The following TNFRSF10B variants were observed in gnomAD, a reference collection of about 807,000 sequenced individuals.
TNFRSF10B encodes the protein tumor necrosis factor receptor superfamily member 10B.
A neutral mutation model predicts 41.4 loss-of-function variants in TNFRSF10B; 35 were observed. That is an observed-to-expected ratio of 0.85 (90% CI 0.65 to 1.12). The LOEUF (loss-of-function observed/expected upper bound fraction) is 1.12. TNFRSF10B is among the 50% of genes most tolerant of loss of function. The pLI is 0.00. For synonymous variants in TNFRSF10B, 230 were observed against 215.5 expected, an observed-to-expected ratio of 1.07 and a Z score of -0.59; for missense variants, 584 against 552.7, an observed-to-expected ratio of 1.06 and a Z score of -0.57.
chr8:23,057,662 C>T (rs1446115415), intron 1 of TNFRSF10B, among the ~76,000 whole-genome samples: 2 of 150,828 alleles, frequency 1.3e-5, no homozygotes, highest in Admixed American at 6.6e-5. Flanking sequence ...GAACTCCTGA[C>T]CTCAGGTGAA....
chr8:23,043,903 T>C (rs1007029932), intron 1 of TNFRSF10B, among the ~76,000 whole-genome samples: 15 of 152,250 alleles, frequency 9.9e-5, no homozygotes, highest in African/African-American at 2.9e-4. Flanking sequence ...ACCTGGCCTA[T>C]ATGGTATAGC....
chr8:23,027,980 G>C, intron 5 of TNFRSF10B: 2 of 618,466 alleles, frequency 3.2e-6, no homozygotes, highest in Admixed American at 5.9e-5. Context: ...GTTCTGCTCT[G>C]ACCAAGGCTG....
intron 1 of TNFRSF10B, among the ~76,000 whole-genome samples, chr8:23,066,386 A>G (rs1812979471): frequency 6.6e-6 from 1 of 152,204 alleles, no homozygotes; most frequent in Non-Finnish European, 1.5e-5. Flanking sequence ...TATACAGTAG[A>G]TGAGATTAAC....
chr8:23,050,372 C>A (rs1309458623), intron 1 of TNFRSF10B, among the ~76,000 whole-genome samples: 7 of 152,150 alleles, frequency 4.6e-5, no homozygotes, highest in African/African-American at 1.7e-4. Context: ...TGCTGAGAGG[C>A]CTCTGGGAAG....
intron 1 of TNFRSF10B, among the ~76,000 whole-genome samples, chr8:23,064,124 G>A (rs900081752): frequency 4.6e-5 from 7 of 152,236 alleles, no homozygotes; most frequent in African/African-American, 1.4e-4. Context: ...CTGAGGCACA[G>A]CCATCATTAA....
Position 23,038,877 on chromosome 8 carries a change from G to A in TNFRSF10B, c.250+4261C>T, listed in dbSNP as rs531312372. On this transcript the variant is annotated intron_variant, in intron 2 of 8. Transcript: ENST00000276431. ...GTTTCCTGAAAGACAATTTTTCCAC[G>A]GACTGGAGTTGGGGGCATGGGGATG... is the stretch of plus-strand genomic sequence containing the variant. Among the ~76,000 whole-genome samples, 335 of 152,118 alleles carry A rather than the reference G, an allele frequency of 2.2e-3. 1 individual carries two copies. The highest frequency in any genetic ancestry group is 6.2e-3 in the African/African-American group (256 of 41,462).
chr8:23,027,754 C>T lies in TNFRSF10B; in HGVS notation c.749-1G>A. On this transcript the variant is annotated splice_acceptor_variant, in intron 5 of 8. Transcript: ENST00000276431. LOFTEE classifies it high-confidence loss of function. ...ACACGCTCAGGGTCCCCACCACCAC[C>T]TAAAAAAGAAGCAGTCTCCTTAGCA... The T allele has an allele frequency of 6.2e-7, 1 of 1,614,056 alleles. No homozygotes were observed. Among genetic ancestry groups the T allele is most frequent in the Non-Finnish European group, 8.5e-7 (1 of 1,180,000 alleles).
intron 1 of TNFRSF10B, among the ~76,000 whole-genome samples, chr8:23,059,985 GGTT>G (rs1440985346): frequency 6.6e-6 from 1 of 151,952 alleles, no homozygotes. Flanking sequence ...TTTTTAACTG[GGTT>G]GTTTTTGTTT....
intron 1 of TNFRSF10B, among the ~76,000 whole-genome samples, chr8:23,049,102 G>C (rs1211658742): frequency 6.6e-6 from 1 of 152,092 alleles, no homozygotes. Flanking sequence ...TGGAACCTTC[G>C]TGCCCTGTTG....
At chr8:23,057,667 G>A (rs1042006696) in intron 1 of TNFRSF10B, among the ~76,000 whole-genome samples, 5 of 150,568 alleles carry the variant, frequency 3.3e-5, no homozygotes, top group East Asian at 4.0e-4. Context: ...CCTGACCTCA[G>A]GTGAATCCGC....
At chr8:23,023,071 G>C in intron 8 of TNFRSF10B, 87 bp from the exon 9 acceptor site, 1 of 1,529,958 alleles carries the variant, frequency 6.5e-7, no homozygotes, top group Non-Finnish European at 8.8e-7. Context: ...ACCCAAGGCG[G>C]GGAACCTGGA....
intron 7 of TNFRSF10B, among the ~76,000 whole-genome samples, chr8:23,025,535 TA>T (rs1458229768): frequency 3.3e-5 from 5 of 152,242 alleles, no homozygotes; most frequent in Non-Finnish European, 7.3e-5. Context: ...TAAAACATAT[TA>T]GACAGTTTTG....
At chr8:23,045,953 T>C (rs981556420) in intron 1 of TNFRSF10B, among the ~76,000 whole-genome samples, 6 of 152,192 alleles carry the variant, frequency 3.9e-5, no homozygotes, top group African/African-American at 1.4e-4. Flanking sequence ...AAAAAAGCCT[T>C]ATATGACAAG....
chr8:23,058,611 G>A (rs931191781), intron 1 of TNFRSF10B, among the ~76,000 whole-genome samples: 9 of 151,608 alleles, frequency 5.9e-5, no homozygotes, highest in South Asian at 2.1e-4. Context: ...TCAGCTTCCC[G>A]AGTAGCTGGG....
Position 23,023,085 on chromosome 8 carries a change from C to A in TNFRSF10B, c.1010-101G>T, listed in dbSNP as rs557510255. On this transcript the variant is annotated intron_variant, in intron 8 of 8. Coordinates refer to ENST00000276431, the MANE Select transcript of TNFRSF10B (RefSeq NM_003842.5). Reference sequence around the variant, plus strand: ...AACCCAAGGCGGGGAACCTGGAGAGCCCCGTGTGCGGGCAAACCTGCCGCT... The same window carrying A: ...AACCCAAGGCGGGGAACCTGGAGAGACCCGTGTGCGGGCAAACCTGCCGCT... 4 of 1,464,784 alleles carry A rather than the reference C, an allele frequency of 2.7e-6. No homozygotes were observed. The African/African-American group carries it at 4.2e-5, about 15-fold the overall frequency. 90.7% of individuals were successfully genotyped at this position (1,464,784 alleles called of 1,614,324 possible). A position where few individuals can be genotyped will look rare whatever the true frequency, so the allele number is the denominator to read the frequency against.
chr8:23,027,346 G>C (rs567215531), intron 6 of TNFRSF10B, 58 bp from the exon 7 acceptor site: 1 of 1,603,516 alleles, frequency 6.2e-7, no homozygotes, highest in African/African-American at 1.3e-5. Context: ...CCTAGGGCTC[G>C]CTGCAGGGTC....
At chr8:23,044,788 AAAAT>A (rs1024227368) in intron 1 of TNFRSF10B, among the ~76,000 whole-genome samples, 5 of 152,134 alleles carry the variant, frequency 3.3e-5, no homozygotes, top group African/African-American at 7.2e-5. Flanking sequence ...AATCAGAGCA[AAAAT>A]AAATAGAGAC....
chr8:23,036,046 C>T (rs1812021954), intron 2 of TNFRSF10B, among the ~76,000 whole-genome samples: 1 of 151,726 alleles, frequency 6.6e-6, no homozygotes, highest in Non-Finnish European at 1.5e-5. Context: ...AACCACAGCA[C>T]AGGCCCTTAG....
chr8:23,028,275 G>C (rs1811770961), intron 5 of TNFRSF10B, 56 bp downstream of exon 5: 1 of 1,611,032 alleles, frequency 6.2e-7, no homozygotes, highest in African/African-American at 1.3e-5. Context: ...TGGGAATAGG[G>C]TGGGAGGGGG....
Sources: gnomAD v4.1 joint callset for allele counts (sites outside exome capture counted in the v4.1 genomes callset) on GRCh38, gnomAD v4.1.1 for gene constraint, MANE v1.5 for transcripts, NCBI Gene and HGNC (gene_info 2026-07-23, HGNC 2026-07-21) for gene names.